Variants in LEO1 observed in about 807,000 individuals in gnomAD.
LEO1 encodes the protein RNA polymerase-associated protein LEO1.
LEO1 carries 34 observed loss-of-function variants against 80.4 expected under a neutral mutation model. The ratio of observed to expected loss-of-function variants is 0.42; its 90% CI spans 0.32 to 0.56. The LOEUF (loss-of-function observed/expected upper bound fraction) is 0.56. Ranked by LOEUF, LEO1 falls within the 20% of genes least tolerant of loss-of-function variation. The pLI is 0.10. For synonymous variants in LEO1, 262 were observed against 274.9 expected (o/e 0.95, Z 0.46); for missense variants, 631 against 814.2 (o/e 0.77, Z 2.74).
At chr15:51,959,783 G>T in intron 5 of LEO1, 116 bp downstream of exon 5, 2 of 939,840 alleles carry the variant, frequency 2.1e-6, no homozygotes, top group Non-Finnish European at 3.1e-6. Context: ...TTTTTTCAGA[G>T]ATACACGATC....
intron 8 of LEO1, 63 bp from the exon 9 acceptor site, chr15:51,952,042 C>A (rs2056953456): frequency 6.8e-7 from 1 of 1,467,924 alleles, no homozygotes; most frequent in Non-Finnish European, 9.3e-7. Flanking sequence ...GCCAGTGATA[C>A]CCACGTCACA....
chr15:51,963,897 CAAAAA>C (rs1217618326), intron 2 of LEO1, among the ~76,000 whole-genome samples: 5 of 57,534 alleles, frequency 8.7e-5, no homozygotes, highest in South Asian at 6.7e-4. Flanking sequence ...GACTCTGTCT[CAAAAA>C]AAAAAAAAAA....
intron 9 of LEO1, among the ~76,000 whole-genome samples, chr15:51,950,416 A>G (rs2056939964): frequency 6.6e-6 from 1 of 152,114 alleles, no homozygotes; most frequent in Non-Finnish European, 1.5e-5. Context: ...CAGCTCTACC[A>G]AACTCCCATA....
At chr15:51,945,818 AG>A (rs1486550902) in intron 11 of LEO1, among the ~76,000 whole-genome samples, 1 of 152,036 alleles carries the variant, frequency 6.6e-6, no homozygotes, top group Non-Finnish European at 1.5e-5. Context: ...GCAGATCACA[AG>A]GTCAGGAGAT....
At chr15:51,960,606 C>T (rs2057022428) in intron 4 of LEO1, 33 bp downstream of exon 4, 16 of 1,208,396 alleles carry the variant, frequency 1.3e-5, no homozygotes, top group Non-Finnish European at 2.0e-5. Flanking sequence ...TTATGCCTGG[C>T]CTTGAATAAG....
At chr15:51,963,735 C>G (rs112014361) in intron 2 of LEO1, among the ~76,000 whole-genome samples, 2,301 of 151,754 alleles carry the variant, frequency 0.015, 65 homozygotes, top group East Asian at 0.075. Context: ...AACTTCCTCT[C>G]TACTACAAAT....
Position 51,947,306 on chromosome 15 carries a change from G to T in LEO1, c.1882C>A (p.Leu628Ile), listed in dbSNP as rs377671116. Residue 628 changes from leucine (L) to isoleucine (I), a missense_variant, in exon 11 of 12, where the codon CTT becomes ATT. Physicochemically the swap from Leu to Ile is conservative, Grantham distance 5. Coordinates refer to ENST00000299601, the MANE Select transcript of LEO1 (RefSeq NM_138792.4). ...KAQRLLKAKK[L>I]TSDEEGEPSG... ...TTTGGTCTTACCTCATCACTGGTAA[G>T]TTTCTTTGCTTTGAGTAATCTTTGA... 2 of 1,611,878 alleles carry T rather than the reference G, an allele frequency of 1.2e-6. No homozygotes were observed. Among genetic ancestry groups the T allele is most frequent in the South Asian group, 2.2e-5 (2 of 91,058 alleles).
chr15:51,945,279 A>AAAAAAAAAAAAAC (rs2056890399), intron 11 of LEO1, among the ~76,000 whole-genome samples: 2 of 149,718 alleles, frequency 1.3e-5, no homozygotes, highest in East Asian at 2.0e-4. Flanking sequence ...AAAAAAAAAA[A>AAAAAAAAAAAAAC]GCCTTACAAA....
intron 7 of LEO1, among the ~76,000 whole-genome samples, chr15:51,953,544 C>A (rs903025191): frequency 1.3e-5 from 2 of 151,922 alleles, no homozygotes; most frequent in Non-Finnish European, 2.9e-5. Context: ...TGCTTGAACC[C>A]GGGAAGTGGA....
At position 51,968,391 on chromosome 15, in the gene LEO1, A is replaced by G. The variant is rs550109801; in HGVS notation, c.59-1887T>C. Among the ~76,000 whole-genome samples, 18 of 152,188 alleles carry G rather than the reference A, an allele frequency of 1.2e-4. No homozygotes were observed. In the South Asian group the frequency reaches 3.1e-3, roughly 26 times the overall value. ...AACCCTGTCTACTAAAAATACAAAA[A>G]TTAGCTGGGCATGGGGGCACACGCC... is the stretch of plus-strand genomic sequence containing the variant. On this transcript the variant is annotated intron_variant, in intron 1 of 11. Coordinates refer to ENST00000299601, the MANE Select transcript of LEO1 (RefSeq NM_138792.4).
Position 51,953,140 on chromosome 15 carries a change from T to C in LEO1, c.1464A>G (p.Lys488=), listed in dbSNP as rs1472423319. Residue 488 remains lysine (K), a synonymous_variant, in exon 8 of 12, where the codon AAA becomes AAG. Transcript: ENST00000299601. ...ATAATAACAGTTACCTGAAGGTGAG[T>C]TTCGTTTTAAAGACTGCTTGTCCCT... The part of the protein sequence containing the change: ...GLQGQAVFKT[K]LTFRPHSTDS... The C allele has an allele frequency of 2.7e-5, 43 of 1,611,002 alleles. No homozygotes were observed. Among genetic ancestry groups the C allele is most frequent in the Non-Finnish European group, 3.3e-5 (39 of 1,178,498 alleles).
intron 6 of LEO1, chr15:51,954,861 A>C: frequency 3.2e-6 from 1 of 311,718 alleles, no homozygotes; most frequent in East Asian, 7.3e-5. Flanking sequence ...ATGTACACTA[A>C]CCCCGAGATG....
At chr15:51,950,077 T>C (rs549995861) in intron 9 of LEO1, 83 bp from the exon 10 acceptor site, 4 of 1,143,700 alleles carry the variant, frequency 3.5e-6, no homozygotes, top group South Asian at 1.5e-5. Context: ...ACAAATAGCA[T>C]GTAATGTCTG....
At chr15:51,957,992 G>C (rs2057002232) in intron 6 of LEO1, among the ~76,000 whole-genome samples, 1 of 151,638 alleles carries the variant, frequency 6.6e-6, no homozygotes, top group African/African-American at 2.4e-5. Flanking sequence ...CTGCCCTCCA[G>C]CGTGGGCGAC....
intron 11 of LEO1, among the ~76,000 whole-genome samples, chr15:51,939,981 C>T (rs568232460): frequency 5.9e-5 from 9 of 152,250 alleles, no homozygotes; most frequent in East Asian, 1.9e-4. Context: ...ACCGGCCGGG[C>T]GCGATGGCTC....
Position 51,966,360 on chromosome 15 carries a change from TC to T in LEO1, c.202del (p.Asp68ThrfsTer37). ...ACCACTATGATGTGAAGCTCCCTCG[TC>T]CTCACTGTCATCTCCAAACAGTTCC... is the stretch of plus-strand genomic sequence containing the variant. ...NKELFGDDSE[D>X]EGASHHSGSD... On this transcript the variant is annotated frameshift_variant, in exon 2 of 12. Transcript: ENST00000299601. LOFTEE classifies it high-confidence loss of function. 1 of 1,614,184 alleles carries T rather than the reference TC, an allele frequency of 6.2e-7. No individual in the cohort carries two copies.
At chr15:51,951,132 T>G (rs1399675943) in intron 9 of LEO1, among the ~76,000 whole-genome samples, 1 of 152,236 alleles carries the variant, frequency 6.6e-6, no homozygotes, top group Non-Finnish European at 1.5e-5. Context: ...CTGGACTGTC[T>G]TAGCCTCACC....
intron 7 of LEO1, among the ~76,000 whole-genome samples, chr15:51,954,221 CTCT>C (rs2056970605): frequency 6.6e-6 from 1 of 150,856 alleles, no homozygotes; most frequent in African/African-American, 2.4e-5. Context: ...CCGTGCCTGG[CTCT>C]TTTTTTTTTT....
chr15:51,966,412 C>A lies in LEO1; in HGVS notation c.151G>T (p.Gly51Cys). The change falls in exon 2 of 12, where the codon GGT (glycine) becomes TGT (cysteine). Residue 51 changes from glycine to cysteine, a missense_variant. Coordinates refer to ENST00000299601, the MANE Select transcript of LEO1 (RefSeq NM_138792.4). ...TTATTACTTGGTTGTCCTGAATCAC[C>A]TCTTTCATCCTGATCACTTTCACTT... ...SGSESDQDER[G>C]DSGQPSNKEL... 6.2e-7 allele frequency: 1 copy of A among 1,614,140 alleles called. No individual in the cohort carries two copies. The highest frequency in any genetic ancestry group is 1.1e-5 in the South Asian group (1 of 91,086).
Sources: allele counts gnomAD v4.1 joint callset (sites outside exome capture counted in the v4.1 genomes callset), GRCh38; gene constraint gnomAD v4.1.1; transcripts MANE v1.5; gene names NCBI Gene and HGNC (gene_info 2026-07-23, HGNC 2026-07-21).